The following CSF1 variants were observed in gnomAD, a reference collection of about 807,000 sequenced individuals.
The protein encoded by CSF1 is colony stimulating factor 1, also known as macrophage colony-stimulating factor 1.
Under a neutral mutation model 48.9 loss-of-function variants are expected in CSF1, and 9 were observed. The ratio of observed to expected loss-of-function variants is 0.18; its 90% CI spans 0.11 to 0.32. The LOEUF (loss-of-function observed/expected upper bound fraction) is 0.32, where lower values mean the gene tolerates loss of function less well. CSF1 is among the 10% of genes least tolerant of loss of function. The probability of loss-of-function intolerance (pLI) is 1.00; values close to 1 mark genes in which losing one functional copy is unlikely to be tolerated. For synonymous variants in CSF1, 305 were observed against 284.1 expected, an observed-to-expected ratio of 1.07 and a Z score of -0.74; for missense variants, 672 against 697.9, an observed-to-expected ratio of 0.96 and a Z score of 0.42.
chr1:109,911,499 G>C (rs1349540384), intron 1 of CSF1, among the ~76,000 whole-genome samples: 1 of 152,234 alleles, frequency 6.6e-6, no homozygotes, highest in African/African-American at 2.4e-5. Flanking sequence ...TGAGGAGTGG[G>C]CGCTTCTGGG....
chr1:109,915,238 G>A (rs1193947923), intron 2 of CSF1, among the ~76,000 whole-genome samples: 1 of 152,170 alleles, frequency 6.6e-6, no homozygotes, highest in Non-Finnish European at 1.5e-5. Flanking sequence ...GGGCTTTAAG[G>A]GCATCCAGCT....
chr1:109,923,847 G>GC lies in CSF1; in HGVS notation c.1231dup (p.Gln411ProfsTer52). ...GGCTCTCCCAGGATCTCATCACTGC[G>GC]CCCCCAGGGCCTCAGCAACCCCTCC... On this transcript the variant is annotated frameshift_variant, in exon 6 of 9. Coordinates refer to ENST00000329608, the MANE Select transcript of CSF1 (RefSeq NM_000757.6). LOFTEE classifies it high-confidence loss of function. 6.2e-7 allele frequency: 1 copy of GC among 1,613,810 alleles called. No homozygotes were observed. The highest frequency in any genetic ancestry group is 1.1e-5 in the South Asian group (1 of 91,046).
At chr1:109,917,625 G>A (rs1265737046) in intron 4 of CSF1, among the ~76,000 whole-genome samples, 162 bp downstream of exon 4, 2 of 152,194 alleles carry the variant, frequency 1.3e-5, no homozygotes. Context: ...CAGGCAGGAG[G>A]CAGGAGGGAT....
chr1:109,921,071 C>T (rs1473610571), intron 4 of CSF1, among the ~76,000 whole-genome samples: 1 of 151,998 alleles, frequency 6.6e-6, no homozygotes, highest in African/African-American at 2.4e-5. Flanking sequence ...CTGGCGGCTG[C>T]CCCGTTCCCT....
In CSF1 at chr1:109,923,775, A is replaced by G. The variant is rs145849813; in HGVS notation, c.1154A>G (p.Gln385Arg). 3.5e-4 allele frequency: 564 copies of G among 1,608,450 alleles called. 3 individuals are homozygous for G. In the African/African-American group the frequency reaches 6.9e-3, roughly 20 times the overall value. The change falls in exon 6 of 9, where the codon CAG (glutamine) becomes CGG (arginine). Residue 385 changes from glutamine to arginine, a missense_variant. Transcript: ENST00000329608. ...GGCCAGGACTGGAATCACACCCCCC[A>G]GAAGACAGACCATCCATCTGCCCTG... ...PTGQDWNHTP[Q>R]KTDHPSALLR...
Position 109,924,075 on chromosome 1 carries a change from C to A in CSF1, c.1454C>A (p.Ser485Tyr), listed in dbSNP as rs1270195555. 6.2e-7 allele frequency: 1 copy of A among 1,614,096 alleles called. No homozygotes were observed. The highest frequency in any genetic ancestry group is 8.5e-7 in the Non-Finnish European group (1 of 1,180,032). Residue 485 changes from serine to tyrosine, a missense_variant, in exon 6 of 9, where the codon TCC (serine) becomes TAC (tyrosine). This residue lies in a region of CSF1 where 591 missense variants were observed against 593.6 expected (regional missense o/e 1.00). Coordinates refer to ENST00000329608, the MANE Select transcript of CSF1 (RefSeq NM_000757.6). ...PLTDTGHERQ[S>Y]EGSFSPQLQE... ...ACTGACACAGGCCATGAGAGGCAGT[C>A]CGAGGGATCCTTCAGCCCGCAGCTC...
intron 2 of CSF1, 61 bp from the exon 3 acceptor site, chr1:109,915,573 G>A (rs747771881): frequency 7.0e-7 from 1 of 1,428,856 alleles, no homozygotes; most frequent in South Asian, 1.1e-5. Flanking sequence ...TTTTGAAGAA[G>A]GCTGAAGGCT....
chr1:109,919,735 G>T (rs959401598), intron 4 of CSF1, among the ~76,000 whole-genome samples: 1 of 151,990 alleles, frequency 6.6e-6, no homozygotes, highest in African/African-American at 2.4e-5. Context: ...CGAGACAGTG[G>T]ATCACCTGAG....
chr1:109,928,196 C>G (rs1647922527), intron 8 of CSF1, among the ~76,000 whole-genome samples: 2 of 152,184 alleles, frequency 1.3e-5, no homozygotes, highest in African/African-American at 2.4e-5. Flanking sequence ...GGCGAGAGGA[C>G]AAGGCCCTGA....
At chr1:109,918,795 C>T (rs760270426) in intron 4 of CSF1, among the ~76,000 whole-genome samples, 3 of 151,804 alleles carry the variant, frequency 2.0e-5, no homozygotes, top group Admixed American at 2.0e-4. Context: ...GCTAGGTGTG[C>T]GGGTCTTGAG....
chr1:109,914,499 T>C, intron 2 of CSF1, 118 bp downstream of exon 2: 3 of 1,228,176 alleles, frequency 2.4e-6, no homozygotes, highest in Non-Finnish European at 3.2e-6. Context: ...TGCGGGACAT[T>C]GCTTGTGGTT....
In CSF1 at chr1:109,912,850, C is replaced by T. The variant is rs369580078; in HGVS notation, c.40-1409C>T. Among the ~76,000 whole-genome samples, 12 of 152,234 alleles carry T rather than the reference C, an allele frequency of 7.9e-5. No individual in the cohort carries two copies. The East Asian group carries it at 2.1e-3, about 27-fold the overall frequency. On this transcript the variant is annotated intron_variant, in intron 1 of 8. Coordinates refer to ENST00000329608, the MANE Select transcript of CSF1 (RefSeq NM_000757.6). Reference sequence around the variant, plus strand: ...CAACCTCCCCAACAGAGCCTGAAGTCCCCCCAGCCCCCGTGACTGCCGTCC... The same window carrying T: ...CAACCTCCCCAACAGAGCCTGAAGTTCCCCCAGCCCCCGTGACTGCCGTCC...
chr1:109,918,885 C>A (rs140124005), intron 4 of CSF1, among the ~76,000 whole-genome samples: 2 of 152,048 alleles, frequency 1.3e-5, no homozygotes, highest in East Asian at 3.9e-4. Context: ...AGCACTGCCA[C>A]TGTGAGAAGA....
At chr1:109,914,565 G>A (rs1654819844) in intron 2 of CSF1, among the ~76,000 whole-genome samples, 184 bp downstream of exon 2, 1 of 152,242 alleles carries the variant, frequency 6.6e-6, no homozygotes. Flanking sequence ...TAGGACCTCT[G>A]GTCTCCCCAG....
chr1:109,918,354 G>A (rs982296003), intron 4 of CSF1, among the ~76,000 whole-genome samples: 1 of 152,194 alleles, frequency 6.6e-6, no homozygotes, highest in African/African-American at 2.4e-5. Flanking sequence ...TTTGTCTTAA[G>A]GGTGAGGGAA....
At chr1:109,919,746 G>T (rs1395066632) in intron 4 of CSF1, among the ~76,000 whole-genome samples, 1 of 150,568 alleles carries the variant, frequency 6.6e-6, no homozygotes, top group Non-Finnish European at 1.5e-5. Flanking sequence ...ATCACCTGAG[G>T]TCAGGAGTTC....
At chr1:109,920,739 A>T (rs1464335208) in intron 4 of CSF1, among the ~76,000 whole-genome samples, 3 of 152,150 alleles carry the variant, frequency 2.0e-5, no homozygotes, top group Non-Finnish European at 2.9e-5. Context: ...TTAAGGAAAA[A>T]CTTGGTATCT....
At position 109,917,473 on chromosome 1, in the gene CSF1, C is replaced by T. The variant is rs754061315; in HGVS notation, c.396+10C>T. On this transcript the variant is annotated intron_variant, in intron 4 of 8. Transcript: ENST00000329608. ...TGAAGAGCATGACAAGGTAGGAAGCCCTGAGGCCTGGAGCACTGAGTGAGG... is the reference window on the plus strand; with the variant it reads ...TGAAGAGCATGACAAGGTAGGAAGCTCTGAGGCCTGGAGCACTGAGTGAGG... 3 of 1,613,260 alleles carry T rather than the reference C, an allele frequency of 1.9e-6. No homozygotes were observed. Among genetic ancestry groups the T allele is most frequent in the East Asian group, 4.5e-5 (2 of 44,882 alleles).
chr1:109,924,865 G>A (rs369218157), intron 7 of CSF1, 37 bp downstream of exon 7: 2 of 1,586,986 alleles, frequency 1.3e-6, no homozygotes, highest in South Asian at 1.1e-5. Flanking sequence ...AGGCACTGGG[G>A]GCCTGGCTTG....
Sources: gnomAD v4.1 joint callset for allele counts (sites outside exome capture counted in the v4.1 genomes callset) on GRCh38, gnomAD v4.1.1 for gene constraint, gnomAD v4.1.1 regional missense constraint, MANE v1.5 for transcripts, NCBI Gene and HGNC (gene_info 2026-07-23, HGNC 2026-07-21) for gene names.